EPM2A: variants seen among roughly 807,000 people sequenced by gnomAD.
EPM2A encodes the protein laforin.
EPM2A carries 21 observed loss-of-function variants against 26.5 expected under a neutral mutation model. The observed-to-expected ratio is 0.79, with a 90% CI of 0.56 to 1.14. The LOEUF (loss-of-function observed/expected upper bound fraction) is 1.14. Among genes scored for constraint, EPM2A ranks in the 50% most tolerant of loss-of-function variants. EPM2A has a pLI of 0.00. For missense variants in EPM2A, 458 were observed against 440.8 expected (o/e 1.04, Z -0.35); for synonymous variants, 217 against 177.6 (o/e 1.22, Z -1.76).
intron 1 of EPM2A, among the ~76,000 whole-genome samples, chr6:145,720,145 G>A (rs4896840): frequency 0.049 from 7,422 of 152,118 alleles, 281 homozygotes; most frequent in Admixed American, 0.11. Flanking sequence ...ACATTATCAA[G>A]CTAAAATTTC....
At chr6:145,680,783 G>C (rs1171652225) in intron 2 of EPM2A, among the ~76,000 whole-genome samples, 1 of 152,112 alleles carries the variant, frequency 6.6e-6, no homozygotes, top group Non-Finnish European at 1.5e-5. Flanking sequence ...TCTTAATCCA[G>C]TCTATCATTG....
intron 4 of EPM2A, among the ~76,000 whole-genome samples, chr6:145,436,119 C>T (rs1778985806): frequency 6.6e-6 from 1 of 152,218 alleles, no homozygotes; most frequent in South Asian, 2.1e-4. Flanking sequence ...TTCCCGCCAA[C>T]CACTGGCAGC....
At chr6:145,462,879 C>T (rs772469021) in intron 4 of EPM2A, among the ~76,000 whole-genome samples, 4 of 152,078 alleles carry the variant, frequency 2.6e-5, no homozygotes, top group African/African-American at 4.8e-5. Context: ...GATAAATGTA[C>T]GTAGTATGGC....
At chr6:145,467,950 T>C (rs1177417454) in intron 4 of EPM2A, among the ~76,000 whole-genome samples, 1 of 152,038 alleles carries the variant, frequency 6.6e-6, no homozygotes, top group Non-Finnish European at 1.5e-5. Flanking sequence ...GTTTTAATAG[T>C]TTTTTTCAGT....
At chr6:145,601,298 C>T (rs1029352103) in intron 2 of EPM2A, among the ~76,000 whole-genome samples, 1 of 152,064 alleles carries the variant, frequency 6.6e-6, no homozygotes, top group African/African-American at 2.4e-5. Flanking sequence ...TGTTTTTCCC[C>T]TTTTTATTTA....
intron 4 of EPM2A, among the ~76,000 whole-genome samples, chr6:145,430,469 T>A (rs549574063): frequency 6.6e-6 from 1 of 151,710 alleles, no homozygotes; most frequent in East Asian, 2.0e-4. Flanking sequence ...GGCGTGGTGG[T>A]GGGCGCCTGT....
intron 2 of EPM2A, among the ~76,000 whole-genome samples, chr6:145,613,158 T>C (rs903839417): frequency 5.3e-5 from 8 of 152,210 alleles, no homozygotes; most frequent in African/African-American, 1.9e-4. Flanking sequence ...GTTTCCACAA[T>C]GTTCACGGCA....
intron 2 of EPM2A, among the ~76,000 whole-genome samples, chr6:145,567,602 A>G (rs749283666): frequency 1.3e-5 from 2 of 152,228 alleles, no homozygotes; most frequent in Non-Finnish European, 2.9e-5. Context: ...GCCCCAGCCT[A>G]ACTGTAGGGA....
chr6:145,411,979 G>A (rs892367592), intron 4 of EPM2A, among the ~76,000 whole-genome samples: 2 of 152,042 alleles, frequency 1.3e-5, no homozygotes, highest in Non-Finnish European at 2.9e-5. Context: ...CAGCAATTTG[G>A]GAGGCCGAGG....
At chr6:145,576,775 T>C (rs879058715) in intron 2 of EPM2A, among the ~76,000 whole-genome samples, 1 of 152,004 alleles carries the variant, frequency 6.6e-6, no homozygotes, top group East Asian at 1.9e-4. Flanking sequence ...GTGTAAAACA[T>C]TCATATATTT....
chr6:145,398,514 T>A (rs1778437838), intron 4 of EPM2A, among the ~76,000 whole-genome samples: 2 of 152,172 alleles, frequency 1.3e-5, no homozygotes, highest in South Asian at 4.1e-4. Flanking sequence ...TGGAGACAAT[T>A]TAACAAATTA....
At chr6:145,668,862 C>A (rs757762845) in intron 2 of EPM2A, among the ~76,000 whole-genome samples, 7 of 152,112 alleles carry the variant, frequency 4.6e-5, no homozygotes, top group Non-Finnish European at 1.0e-4. Flanking sequence ...GTGTGGATCC[C>A]AGAGTCCTGC....
At chr6:145,394,689 T>A (rs893400388) in intron 4 of EPM2A, among the ~76,000 whole-genome samples, 3 of 152,154 alleles carry the variant, frequency 2.0e-5, no homozygotes, top group Non-Finnish European at 4.4e-5. Context: ...CCCACACACA[T>A]GACTGTCTGG....
intron 4 of EPM2A, among the ~76,000 whole-genome samples, chr6:145,424,685 G>A (rs188860917): frequency 7.2e-4 from 110 of 152,256 alleles, no homozygotes; most frequent in African/African-American, 2.1e-3. Flanking sequence ...TGATTAGATC[G>A]TGGCAGAGGG....
At chr6:145,600,319 G>A (rs558031704) in intron 2 of EPM2A, among the ~76,000 whole-genome samples, 1 of 152,192 alleles carries the variant, frequency 6.6e-6, no homozygotes, top group African/African-American at 2.4e-5. Context: ...TCCCTACCTA[G>A]TTCTCTCTTA....
intron 2 of EPM2A, among the ~76,000 whole-genome samples, chr6:145,540,520 G>T (rs917104330): frequency 1.3e-5 from 2 of 152,084 alleles, no homozygotes; most frequent in South Asian, 4.1e-4. Context: ...TGACACCAGG[G>T]ATTCTCATAT....
intron 1 of EPM2A, among the ~76,000 whole-genome samples, chr6:145,695,853 A>G (rs1325774690): frequency 6.6e-6 from 1 of 152,040 alleles, no homozygotes; most frequent in Admixed American, 6.6e-5. Context: ...GGACTTTAAT[A>G]CTCCACTTTC....
At chr6:145,413,510 G>A (rs1470218293) in intron 4 of EPM2A, among the ~76,000 whole-genome samples, 2 of 152,104 alleles carry the variant, frequency 1.3e-5, no homozygotes, top group East Asian at 3.9e-4. Flanking sequence ...CTTCAAAGAT[G>A]TGGTCCATTT....
chr6:145,576,069 C>G (rs1781027101), intron 2 of EPM2A, among the ~76,000 whole-genome samples: 1 of 152,206 alleles, frequency 6.6e-6, no homozygotes, highest in African/African-American at 2.4e-5. Flanking sequence ...CTCCTGACCT[C>G]AGGTGATCCA....
Sources: gnomAD v4.1 joint callset for allele counts (sites outside exome capture counted in the v4.1 genomes callset) on GRCh38, gnomAD v4.1.1 for gene constraint, MANE v1.5 for transcripts, NCBI Gene and HGNC (gene_info 2026-07-23, HGNC 2026-07-21) for gene names.